The following SLC1A2 variants were observed in gnomAD, a reference collection of about 807,000 sequenced individuals.
SLC1A2 encodes solute carrier family 1 member 2, also known as excitatory amino acid transporter 2.
A neutral mutation model predicts 48.8 loss-of-function variants in SLC1A2; 15 were observed. The ratio of observed to expected loss-of-function variants is 0.31; its 90% CI spans 0.21 to 0.47. The LOEUF is 0.47. SLC1A2 is among the 20% of genes least tolerant of loss of function. The pLI is 0.99. For missense variants in SLC1A2, 502 were observed against 730.5 expected (o/e 0.69, Z 3.61); for synonymous variants, 279 against 272.6 (o/e 1.02, Z -0.23).
At chr11:35,306,878 A>G (rs569031912) in intron 4 of SLC1A2, 1 of 152,382 alleles carries the variant, frequency 6.6e-6, no homozygotes, top group East Asian at 1.9e-4. Context: ...ATAAATATAG[A>G]ATGTATGAAA....
chr11:35,292,353 T>G lies in SLC1A2; in HGVS notation c.1025A>C (p.Lys342Thr). 1.2e-6 allele frequency: 2 copies of G among 1,614,060 alleles called. No individual in the cohort carries two copies. The highest frequency in any genetic ancestry group is 3.3e-5 in the Admixed American group (2 of 60,004). ...LPLIYFVVTR[K>T]NPFSFFAGIF... ...GCCAGCAAAAAAGGAGAAGGGGTTT[T>G]TCCTGGTCACTACAAAGTAAATCAA... The change falls in exon 7 of 11, where the codon AAA becomes ACA. Residue 342 changes from lysine (K) to threonine (T), a missense_variant. Around this residue, in one of 4 missense-constraint regions of SLC1A2, gnomAD observed 309 missense variants for 480.3 expected, o/e 0.64. Transcript: ENST00000278379.
intron 9 of SLC1A2, among the ~76,000 whole-genome samples, chr11:35,274,794 A>C (rs1850387577): frequency 6.6e-6 from 1 of 152,240 alleles, no homozygotes; most frequent in African/African-American, 2.4e-5. Context: ...TGTGACTTTC[A>C]AACGAGCCCA....
intron 1 of SLC1A2, among the ~76,000 whole-genome samples, chr11:35,320,796 C>T (rs1852033798): frequency 6.6e-6 from 1 of 152,182 alleles, no homozygotes; most frequent in African/African-American, 2.4e-5. Flanking sequence ...AGGCACCATA[C>T]TGTTGTTGAT....
At chr11:35,328,600 G>T (rs1852322739) in intron 1 of SLC1A2, among the ~76,000 whole-genome samples, 1 of 152,118 alleles carries the variant, frequency 6.6e-6, no homozygotes, top group South Asian at 2.1e-4. Flanking sequence ...TGGAAAAACT[G>T]GTCAGCCCAC....
chr11:35,290,198 G>T (rs1243266377), intron 7 of SLC1A2, among the ~76,000 whole-genome samples: 1 of 152,154 alleles, frequency 6.6e-6, no homozygotes, highest in Admixed American at 6.5e-5. Context: ...CATACCATTT[G>T]ACTCTGAAAT....
intron 9 of SLC1A2, among the ~76,000 whole-genome samples, chr11:35,271,468 C>T (rs994010199): frequency 3.9e-5 from 6 of 152,140 alleles, no homozygotes; most frequent in Admixed American, 3.3e-4. Context: ...AGATAAGAGC[C>T]TGCAAAAGTT....
At position 35,253,220 on chromosome 11, in the gene SLC1A2, C is replaced by T. The variant is rs1950266798; in HGVS notation, c.*7674G>A. The T allele has an allele frequency of 6.6e-6, 1 of 152,252 alleles. No homozygotes were observed. 9.4% of individuals were successfully genotyped at this position (152,252 alleles called of 1,614,324 possible). ...ATTCTAAGCCCCCACTCCCAGCCCC[C>T]AGTGATACAGTATTGCCTCATAGTT... On this transcript the variant is annotated 3_prime_UTR_variant, in exon 11 of 11. Coordinates refer to ENST00000278379, the MANE Select transcript of SLC1A2 (RefSeq NM_004171.4).
Position 35,266,381 on chromosome 11 carries a change from G to T in SLC1A2, c.1422-623C>A, listed in dbSNP as rs376091319. Reference sequence around the variant, plus strand: ...ATAATTTTCTCATTGACCAATATGTGTTATGACTACTTGTCCTGAAAAAAA... The same window carrying T: ...ATAATTTTCTCATTGACCAATATGTTTTATGACTACTTGTCCTGAAAAAAA... On this transcript the variant is annotated intron_variant, in intron 9 of 10. Coordinates refer to ENST00000278379, the MANE Select transcript of SLC1A2 (RefSeq NM_004171.4). Among the ~76,000 whole-genome samples the T allele has an allele frequency of 3.3e-5, 5 of 152,238 alleles. No homozygotes were observed. In the East Asian group the frequency reaches 9.6e-4, roughly 29 times the overall value.
chr11:35,405,203 T>C (rs1855250230), intron 1 of SLC1A2, among the ~76,000 whole-genome samples: 3 of 152,132 alleles, frequency 2.0e-5, no homozygotes, highest in African/African-American at 7.2e-5. Flanking sequence ...TCAGGAAATA[T>C]AAGAATAGCT....
At chr11:35,407,990 T>C (rs1251777011) in intron 1 of SLC1A2, among the ~76,000 whole-genome samples, 1 of 152,198 alleles carries the variant, frequency 6.6e-6, no homozygotes, top group Non-Finnish European at 1.5e-5. Flanking sequence ...TCTACTGATA[T>C]TCCACTCGCC....
At chr11:35,381,198 G>A (rs995139661) in intron 1 of SLC1A2, among the ~76,000 whole-genome samples, 6 of 152,014 alleles carry the variant, frequency 3.9e-5, no homozygotes, top group Non-Finnish European at 8.8e-5. Context: ...GTCATCACAC[G>A]GTGATCCAGA....
chr11:35,252,846 G>C lies in SLC1A2; in HGVS notation c.*8048C>G, dbSNP rs985916617. The stretch of plus-strand genomic sequence containing the variant: ...TAGCTACACAAAGTGCATAGGCACT[G>C]TTCTTCATGCGTGAACCAAGTGTCA... On this transcript the variant is annotated 3_prime_UTR_variant, in exon 11 of 11. Transcript: ENST00000278379. 3 of 152,650 alleles carry C rather than the reference G, an allele frequency of 2.0e-5. No individual in the cohort carries two copies. The highest frequency in any genetic ancestry group is 2.1e-4 in the South Asian group (1 of 4,828). 9.5% of individuals were successfully genotyped at this position (152,650 alleles called of 1,614,324 possible).
At chr11:35,301,349 T>C (rs533666917) in intron 6 of SLC1A2, among the ~76,000 whole-genome samples, 170 bp downstream of exon 6, 1 of 152,348 alleles carries the variant, frequency 6.6e-6, no homozygotes, top group Admixed American at 6.5e-5. Flanking sequence ...TCTACACTTG[T>C]TCTAGGGGAA....
intron 1 of SLC1A2, among the ~76,000 whole-genome samples, chr11:35,380,778 C>T (rs1590251278): frequency 6.6e-6 from 1 of 152,200 alleles, no homozygotes; most frequent in Non-Finnish European, 1.5e-5. Flanking sequence ...CTCAGTGCTT[C>T]GCTGTTTGTT....
chr11:35,274,415 A>G (rs1388864286), intron 9 of SLC1A2, among the ~76,000 whole-genome samples: 4 of 152,216 alleles, frequency 2.6e-5, no homozygotes, highest in Non-Finnish European at 5.9e-5. Flanking sequence ...CGGAGATAAG[A>G]TGTAAAAAAG....
intron 1 of SLC1A2, among the ~76,000 whole-genome samples, chr11:35,340,072 TTGTAATACCAGCCA>T (rs2135029533): frequency 6.6e-6 from 1 of 152,292 alleles, no homozygotes; most frequent in South Asian, 2.1e-4. Context: ...CCTTGAGGCT[TTGTAATACCAGCCA>T]TGCAGACACA....
At chr11:35,315,367 C>T (rs182325801) in intron 2 of SLC1A2, 192 bp from the exon 3 acceptor site, 1 of 478,196 alleles carries the variant, frequency 2.1e-6, no homozygotes, top group African/African-American at 1.9e-5. Flanking sequence ...TCTATACCTC[C>T]AACTATTCTT....
rs568844389 is a variant in SLC1A2, at chr11:35,251,714, C to T, written c.*9180G>A. The T allele has an allele frequency of 1.3e-5, 2 of 152,694 alleles. No homozygotes were observed. The highest frequency in any genetic ancestry group is 6.5e-5 in the Admixed American group (1 of 15,300). The allele number at this position is 152,694 out of a possible 1,614,324, so 9.5% of individuals were successfully genotyped here. A position where few individuals can be genotyped will look rare whatever the true frequency, so the allele number is the denominator to read the frequency against. ...ATTTTCAAGGAAAAATTAGCCTGTC[C>T]ACCATATCTCCTCATATGAAGCAGC... On this transcript the variant is annotated 3_prime_UTR_variant, in exon 11 of 11. Coordinates refer to ENST00000278379, the MANE Select transcript of SLC1A2 (RefSeq NM_004171.4).
intron 1 of SLC1A2, among the ~76,000 whole-genome samples, chr11:35,339,012 C>T (rs1003979839): frequency 6.6e-6 from 1 of 152,134 alleles, no homozygotes; most frequent in Non-Finnish European, 1.5e-5. Context: ...TTGAATTGCT[C>T]TCTAAAGGGC....
Sources: allele counts gnomAD v4.1 joint callset (sites outside exome capture counted in the v4.1 genomes callset), GRCh38; gene constraint gnomAD v4.1.1; regional missense constraint gnomAD v4.1.1; transcripts MANE v1.5; gene names NCBI Gene and HGNC (gene_info 2026-07-23, HGNC 2026-07-21).